The following TTF1 variants were observed in gnomAD, a reference collection of about 807,000 sequenced individuals.
TTF1 encodes transcription termination factor, RNA polymerase I.
A neutral mutation model predicts 80.2 loss-of-function variants in TTF1; 64 were observed. That is an observed-to-expected ratio of 0.80 (90% CI 0.65 to 0.98). The LOEUF is 0.98. TTF1 is among the 50% of genes least tolerant of loss of function. TTF1 has a pLI of 0.00. For synonymous variants in TTF1, 372 were observed against 382.7 expected (o/e 0.97, Z 0.33); for missense variants, 1,023 against 1,086.2 (o/e 0.94, Z 0.82).
chr9:132,406,093 A>G (rs1849860639), intron 1 of TTF1, among the ~76,000 whole-genome samples: 2 of 152,182 alleles, frequency 1.3e-5, no homozygotes, highest in South Asian at 2.1e-4. Context: ...CTCCCCAGTC[A>G]GTGCTCGATA....
chr9:132,379,031 T>C, intron 10 of TTF1, 28 bp downstream of exon 10: 1 of 1,550,098 alleles, frequency 6.5e-7, no homozygotes, highest in East Asian at 2.3e-5. Flanking sequence ...GCCATGTTCT[T>C]AGCCATATAA....
At chr9:132,394,920 G>A (rs1419109129) in intron 5 of TTF1, among the ~76,000 whole-genome samples, 4 of 150,752 alleles carry the variant, frequency 2.7e-5, no homozygotes, top group Middle Eastern at 3.6e-3. Flanking sequence ...TGCCAGGCAC[G>A]GTGTCTCACC....
chr9:132,383,805 C>T lies in TTF1; in HGVS notation c.2378+2751G>A, dbSNP rs180992814. Reference sequence around the variant, plus strand: ...CCACCCTGCAACCACGCAGTGTTTCCTCACCCAAGACTGTATCTTGGCGCT... The same window carrying T: ...CCACCCTGCAACCACGCAGTGTTTCTTCACCCAAGACTGTATCTTGGCGCT... On this transcript the variant is annotated intron_variant, in intron 9 of 10. Coordinates refer to ENST00000334270, the MANE Select transcript of TTF1 (RefSeq NM_007344.4). Among the ~76,000 whole-genome samples, 281 of 152,264 alleles carry T rather than the reference C, an allele frequency of 1.8e-3. 1 individual carries two copies. The highest frequency in any genetic ancestry group is 0.011 in the South Asian group (55 of 4,826).
intron 1 of TTF1, among the ~76,000 whole-genome samples, chr9:132,405,376 C>G (rs1849848048): frequency 6.6e-6 from 1 of 151,744 alleles, no homozygotes; most frequent in Non-Finnish European, 1.5e-5. Context: ...CCTGGCTAAT[C>G]TTTGTATTTT....
At chr9:132,378,386 A>C (rs796886506) in intron 10 of TTF1, among the ~76,000 whole-genome samples, 1 of 71,576 alleles carries the variant, frequency 1.4e-5, no homozygotes, top group Non-Finnish European at 2.6e-5. Flanking sequence ...GGTGTGTGTG[A>C]GTGCATGCAT....
At chr9:132,378,483 G>A (rs879823622) in intron 10 of TTF1, among the ~76,000 whole-genome samples, 60 of 147,330 alleles carry the variant, frequency 4.1e-4, no homozygotes, top group Middle Eastern at 3.6e-3. Flanking sequence ...TGCATGTGGT[G>A]TGTGTGAATG....
chr9:132,378,963 GGCTC>G, intron 10 of TTF1, 92 bp downstream of exon 10: 1 of 848,670 alleles, frequency 1.2e-6, no homozygotes, highest in Non-Finnish European at 1.8e-6. Flanking sequence ...ATGAAGCTGA[GGCTC>G]TAAGTCCAGT....
At chr9:132,378,199 G>A (rs1464365022) in intron 10 of TTF1, among the ~76,000 whole-genome samples, 1 of 131,996 alleles carries the variant, frequency 7.6e-6, no homozygotes. Context: ...GTGAGTGCAT[G>A]TGCGTGTGAA....
chr9:132,386,329 G>T (rs1038129100), intron 9 of TTF1, among the ~76,000 whole-genome samples: 1 of 152,146 alleles, frequency 6.6e-6, no homozygotes, highest in Non-Finnish European at 1.5e-5. Context: ...ATGAAAACCT[G>T]ATCTACCTAG....
Position 132,400,986 on chromosome 9 carries a change from A to G in TTF1, c.1367+469T>C, listed in dbSNP as rs542494470. 2.2e-4 allele frequency among the ~76,000 whole-genome samples: 33 copies of G among 152,298 alleles called. No homozygotes were observed. The East Asian group carries it at 6.2e-3, about 28-fold the overall frequency. On this transcript the variant is annotated intron_variant, in intron 2 of 10. Transcript: ENST00000334270. ...AAGTTTACACAATTAAAGATGTACG[A>G]TATTCTGTACAATGAGGGTCTACCT...
chr9:132,389,165 C>T (rs1448203203), intron 7 of TTF1, among the ~76,000 whole-genome samples: 12 of 149,812 alleles, frequency 8.0e-5, no homozygotes, highest in Admixed American at 8.0e-4. Context: ...CCACTTGAGG[C>T]TTATAACTCA....
intron 7 of TTF1, among the ~76,000 whole-genome samples, chr9:132,388,701 T>C (rs1265329080): frequency 6.6e-6 from 1 of 152,208 alleles, no homozygotes; most frequent in Non-Finnish European, 1.5e-5. Flanking sequence ...ATTACCAGCC[T>C]TGGAACATCA....
At chr9:132,400,818 T>G (rs990420689) in intron 2 of TTF1, among the ~76,000 whole-genome samples, 3 of 152,200 alleles carry the variant, frequency 2.0e-5, no homozygotes, top group Non-Finnish European at 4.4e-5. Context: ...TCAGACTATT[T>G]TTCAAAGGTA....
chr9:132,398,123 G>T lies in TTF1; in HGVS notation c.1777+18C>A, dbSNP rs756957452. On this transcript the variant is annotated intron_variant, in intron 4 of 10. Transcript: ENST00000334270. ...GGAAGGCTGTGGATGGTCAAAGGGTGATTGTTTCTAAACTTACCAATGTGT... is the reference window on the plus strand; with the variant it reads ...GGAAGGCTGTGGATGGTCAAAGGGTTATTGTTTCTAAACTTACCAATGTGT... The T allele has an allele frequency of 9.6e-6, 15 of 1,556,800 alleles. No homozygotes were observed. In the Admixed American group the frequency reaches 3.2e-4, roughly 33 times the overall value.
chr9:132,385,779 C>CAGGCACTATGTTT (rs11272258), intron 9 of TTF1, among the ~76,000 whole-genome samples: 18 of 152,288 alleles, frequency 1.2e-4, no homozygotes, highest in South Asian at 1.0e-3. Flanking sequence ...AGTTCCTACT[C>CAGGCACTATGTTT]TGTGCCTGGT....
chr9:132,390,491 G>C (rs1316340402), intron 7 of TTF1, 106 bp downstream of exon 7: 8 of 1,121,176 alleles, frequency 7.1e-6, no homozygotes, highest in Non-Finnish European at 1.0e-5. Context: ...AGACACGATT[G>C]TTCTTGACAC....
chr9:132,378,182 A>G (rs1849274429), intron 10 of TTF1, among the ~76,000 whole-genome samples: 1 of 99,448 alleles, frequency 1.0e-5, no homozygotes, highest in South Asian at 3.5e-4. Flanking sequence ...GTGTGAATGC[A>G]TGTGGTGTGA....
chr9:132,376,114 T>C lies in TTF1; in HGVS notation c.2519A>G (p.Glu840Gly). 9 of 1,614,194 alleles carry C rather than the reference T, an allele frequency of 5.6e-6. No individual in the cohort carries two copies. Among genetic ancestry groups the C allele is most frequent in the Non-Finnish European group, 7.6e-6 (9 of 1,180,046 alleles). The part of the protein sequence containing the change: ...TTLPLLKEKL[E>G]KMMEKKGTKI... ...AGTGCCTTTTTTCTCCATCATTTTT[T>C]CTAACTTTTCCTTCAGCAAAGGTAG... The change falls in exon 11 of 11, where the codon GAA becomes GGA. Residue 840 changes from glutamate to glycine, a missense_variant. By Grantham distance (98) the Glu-to-Gly change is moderately conservative. Transcript: ENST00000334270.
intron 5 of TTF1, among the ~76,000 whole-genome samples, chr9:132,395,117 G>A (rs938618242): frequency 8.6e-5 from 13 of 152,020 alleles, no homozygotes; most frequent in African/African-American, 3.1e-4. Flanking sequence ...GCTTGAACCT[G>A]GGAGGCGGAG....
Sources: allele counts gnomAD v4.1 joint callset (sites outside exome capture counted in the v4.1 genomes callset), GRCh38; gene constraint gnomAD v4.1.1; transcripts MANE v1.5; gene names NCBI Gene and HGNC (gene_info 2026-07-23, HGNC 2026-07-21).